OSBPL10: variants seen among roughly 807,000 people sequenced by gnomAD.
OSBPL10 encodes the protein oxysterol binding protein like 10.
Under a neutral mutation model 81.7 loss-of-function variants are expected in OSBPL10, and 49 were observed. The ratio of observed to expected loss-of-function variants is 0.60; its 90% CI spans 0.48 to 0.76. The LOEUF (loss-of-function observed/expected upper bound fraction) is 0.76, where lower values mean the gene tolerates loss of function less well. Among genes scored for constraint, OSBPL10 ranks in the 30% least tolerant of loss-of-function variants. The probability of loss-of-function intolerance (pLI) is 0.00; values close to 1 mark genes in which losing one functional copy is unlikely to be tolerated. For synonymous variants in OSBPL10, 419 were observed against 383.6 expected (o/e 1.09, Z -1.08); for missense variants, 923 against 987.8 (o/e 0.93, Z 0.88).
intron 11 of OSBPL10, chr3:31,663,347 C>T (rs1297432238): frequency 1.4e-5 from 14 of 985,496 alleles, no homozygotes; most frequent in Non-Finnish European, 1.7e-5. Flanking sequence ...CAGCCCTCAC[C>T]GGCCTGCTCT....
intron 2 of OSBPL10, among the ~76,000 whole-genome samples, chr3:32,021,291 G>A (rs772026905): frequency 8.5e-5 from 13 of 152,146 alleles, no homozygotes; most frequent in African/African-American, 2.7e-4. Flanking sequence ...TTTTCTCCGC[G>A]TTGCTGCTTT....
intron 4 of OSBPL10, among the ~76,000 whole-genome samples, chr3:31,793,481 T>C (rs1271759005): frequency 6.6e-6 from 1 of 152,256 alleles, no homozygotes; most frequent in Non-Finnish European, 1.5e-5. Flanking sequence ...ACTGCTTATT[T>C]ACCAGGCTGA....
intron 2 of OSBPL10, among the ~76,000 whole-genome samples, chr3:32,034,971 T>C (rs1699503646): frequency 6.6e-6 from 1 of 152,240 alleles, no homozygotes; most frequent in Non-Finnish European, 1.5e-5. Context: ...GTGATAATTC[T>C]AGTAACAGGA....
In OSBPL10 at chr3:31,990,769, A is replaced by G. The variant is rs776160127; in HGVS notation, n.298+55722T>C. On this transcript the variant is annotated intron_variant and non_coding_transcript_variant, in intron 2 of 3. Coordinates refer to the OSBPL10 transcript ENST00000479173. ...ACATAAGAGAATTCATACTGGAGAG[A>G]AACCTTACAAATGTGATGATTTTGA... 6.4e-5 allele frequency: 104 copies of G among 1,613,492 alleles called. No homozygotes were observed. Among genetic ancestry groups the G allele is most frequent in the Non-Finnish European group, 8.6e-5 (102 of 1,179,668 alleles).
intron 1 of OSBPL10, among the ~76,000 whole-genome samples, chr3:31,911,233 C>G (rs1696568039): frequency 1.3e-5 from 2 of 152,200 alleles, no homozygotes; most frequent in Admixed American, 1.3e-4. Context: ...TCTGTTCCAA[C>G]TACTCAACTT....
In OSBPL10 at chr3:31,830,266, T is replaced by C. The variant is rs189873813; in HGVS notation, c.538-35A>G. ...GCAACAGGTGTCAAAACTCAACAAC[T>C]GACCTGCAGAACACAACTAAGTGTT... On this transcript the variant is annotated intron_variant, in intron 3 of 11. Coordinates refer to ENST00000396556, the MANE Select transcript of OSBPL10 (RefSeq NM_017784.5). The C allele has an allele frequency of 4.2e-3, 6,672 of 1,579,556 alleles. 23 individuals are homozygous for C. The highest frequency in any genetic ancestry group is 4.8e-3 in the Non-Finnish European group (5,575 of 1,159,700).
At chr3:31,963,989 A>T (rs1698241782) in intron 1 of OSBPL10, among the ~76,000 whole-genome samples, 1 of 151,984 alleles carries the variant, frequency 6.6e-6, no homozygotes, top group African/African-American at 2.4e-5. Flanking sequence ...AGCATCTTCC[A>T]TTCAAAGCAA....
chr3:31,772,865 T>A (rs933420858), intron 4 of OSBPL10, among the ~76,000 whole-genome samples: 2 of 152,232 alleles, frequency 1.3e-5, no homozygotes, highest in African/African-American at 4.8e-5. Flanking sequence ...AAATTCTTTC[T>A]CAGATTCTTG....
chr3:31,968,750 T>A (rs186127101), intron 1 of OSBPL10, among the ~76,000 whole-genome samples: 1 of 152,326 alleles, frequency 6.6e-6, no homozygotes, highest in East Asian at 1.9e-4. Flanking sequence ...ACATAAAAAT[T>A]CCAGTTACAG....
At chr3:31,848,421 A>G (rs1471167988) in intron 3 of OSBPL10, among the ~76,000 whole-genome samples, 1 of 152,050 alleles carries the variant, frequency 6.6e-6, no homozygotes, top group Admixed American at 6.6e-5. Context: ...CATCTCAAAC[A>G]TGAAGAACAT....
At chr3:31,756,827 G>A (rs1023566860) in intron 4 of OSBPL10, among the ~76,000 whole-genome samples, 2 of 152,144 alleles carry the variant, frequency 1.3e-5, no homozygotes, top group African/African-American at 4.8e-5. Flanking sequence ...CCTCCTCTTG[G>A]CTTTCACATT....
chr3:31,888,796 T>C (rs983044040), intron 1 of OSBPL10, among the ~76,000 whole-genome samples: 47 of 152,088 alleles, frequency 3.1e-4, no homozygotes, highest in Non-Finnish European at 5.9e-4. Flanking sequence ...TGGTGGTGCA[T>C]GCCTATAATC....
intron 7 of OSBPL10, among the ~76,000 whole-genome samples, chr3:31,688,233 CCTGA>C (rs1417120281): frequency 6.6e-6 from 1 of 150,602 alleles, no homozygotes; most frequent in Non-Finnish European, 1.5e-5. Context: ...CACACGATGT[CCTGA>C]CTGACTGCCC....
At chr3:32,011,889 G>GA (rs1024024545) in intron 2 of OSBPL10, among the ~76,000 whole-genome samples, 80 of 151,846 alleles carry the variant, frequency 5.3e-4, no homozygotes, top group African/African-American at 1.7e-3. Context: ...AGAGAAGTCA[G>GA]AAAAAAAAGA....
chr3:31,861,990 A>G (rs1238366675), intron 3 of OSBPL10, among the ~76,000 whole-genome samples: 1 of 152,096 alleles, frequency 6.6e-6, no homozygotes, highest in East Asian at 1.9e-4. Context: ...AGAGTGGCTC[A>G]GGGCTCTGAG....
chr3:31,703,959 G>C (rs1295923258), intron 6 of OSBPL10: 1 of 152,186 alleles, frequency 6.6e-6, no homozygotes, highest in Non-Finnish European at 1.5e-5. Context: ...CTAACCCTGA[G>C]AGGAAGAGCC....
At chr3:31,832,121 A>C (rs1389417241) in intron 3 of OSBPL10, among the ~76,000 whole-genome samples, 1 of 152,262 alleles carries the variant, frequency 6.6e-6, no homozygotes, top group Non-Finnish European at 1.5e-5. Context: ...AGGAAGGCAC[A>C]TAATTGATCT....
intron 1 of OSBPL10, among the ~76,000 whole-genome samples, chr3:32,063,174 A>G (rs1699760608): frequency 1.1e-5 from 1 of 93,574 alleles, no homozygotes; most frequent in Non-Finnish European, 2.9e-5. Flanking sequence ...ACATGTTTCA[A>G]GAGTAGAATA....
intron 8 of OSBPL10, among the ~76,000 whole-genome samples, chr3:31,682,705 A>T (rs1390421765): frequency 6.6e-6 from 1 of 152,110 alleles, no homozygotes; most frequent in African/African-American, 2.4e-5. Context: ...CACACAATCC[A>T]TTTTATTTAC....
Sources: gnomAD v4.1 joint callset for allele counts (sites outside exome capture counted in the v4.1 genomes callset) on GRCh38, gnomAD v4.1.1 for gene constraint, MANE v1.5 for transcripts, NCBI Gene and HGNC (gene_info 2026-07-23, HGNC 2026-07-21) for gene names.